Variants in CSMD1 observed in about 807,000 individuals in gnomAD.
CSMD1 encodes CUB and sushi domain-containing protein 1.
In CSMD1, 213 loss-of-function variants were observed where a neutral mutation model predicts 417.5. That is an observed-to-expected ratio of 0.51 (90% confidence interval 0.46 to 0.57). The LOEUF (loss-of-function observed/expected upper bound fraction) is 0.57. Among genes scored for constraint, CSMD1 ranks in the 20% least tolerant of loss-of-function variants. The pLI is 0.00. For synonymous variants in CSMD1, 2,862 were observed against 1,736.8 expected, an observed-to-expected ratio of 1.65 and a Z score of -16.11; for missense variants, 6,923 against 4,529.7, an observed-to-expected ratio of 1.53 and a Z score of -15.17.
intron 6 of CSMD1, among the ~76,000 whole-genome samples, chr8:3,741,720 A>G (rs1796813357): frequency 6.6e-6 from 1 of 152,056 alleles, no homozygotes; most frequent in South Asian, 2.1e-4. Flanking sequence ...CTGAGTGCGC[A>G]TTCTTACTGA....
intron 3 of CSMD1, among the ~76,000 whole-genome samples, chr8:4,297,199 T>C (rs1373413389): frequency 6.6e-6 from 1 of 152,142 alleles, no homozygotes; most frequent in African/African-American, 2.4e-5. Context: ...ATGTATTTTT[T>C]TAAATCCCTG....
At chr8:3,705,595 G>A (rs982894544) in intron 7 of CSMD1, among the ~76,000 whole-genome samples, 4 of 152,194 alleles carry the variant, frequency 2.6e-5, no homozygotes, top group East Asian at 3.9e-4. Context: ...AAAATACTAA[G>A]ATGGAAGCAA....
At chr8:3,338,913 C>G (rs1022372485) in intron 23 of CSMD1, among the ~76,000 whole-genome samples, 46 of 151,222 alleles carry the variant, frequency 3.0e-4, no homozygotes, top group African/African-American at 1.1e-3. Context: ...TATACATGTG[C>G]CATGCTGGTG....
intron 3 of CSMD1, among the ~76,000 whole-genome samples, chr8:4,229,972 C>T (rs1258513039): frequency 2.6e-5 from 4 of 152,072 alleles, no homozygotes; most frequent in African/African-American, 7.2e-5. Context: ...GTCCTAAAGC[C>T]GACATTATAA....
chr8:4,201,069 C>T (rs893375920), intron 3 of CSMD1, among the ~76,000 whole-genome samples: 3 of 152,128 alleles, frequency 2.0e-5, no homozygotes, highest in African/African-American at 7.2e-5. Flanking sequence ...TACTTTCTAC[C>T]TAGATAACCT....
intron 10 of CSMD1, among the ~76,000 whole-genome samples, chr8:3,566,124 G>GA (rs1325843395): frequency 6.6e-6 from 1 of 151,970 alleles, no homozygotes; most frequent in Non-Finnish European, 1.5e-5. Flanking sequence ...GAAGGAGAGG[G>GA]AAAAGATGGA....
intron 5 of CSMD1, chr8:3,949,999 A>C (rs1435464462): frequency 2.2e-6 from 1 of 455,850 alleles, no homozygotes; most frequent in East Asian, 7.0e-5. Flanking sequence ...ATTACCCACT[A>C]CATTTGCCAG....
At chr8:3,804,509 G>C (rs1203572229) in intron 5 of CSMD1, among the ~76,000 whole-genome samples, 6 of 152,148 alleles carry the variant, frequency 3.9e-5, no homozygotes, top group Admixed American at 3.9e-4. Flanking sequence ...AATTTTAATA[G>C]CTATAAAACA....
At chr8:4,037,967 A>C (rs534652521) in intron 3 of CSMD1, among the ~76,000 whole-genome samples, 1 of 152,188 alleles carries the variant, frequency 6.6e-6, no homozygotes, top group Non-Finnish European at 1.5e-5. Context: ...TTATTTTAGA[A>C]ACAATGAATC....
intron 11 of CSMD1, among the ~76,000 whole-genome samples, chr8:3,470,705 C>A (rs1431505202): frequency 6.6e-6 from 1 of 152,048 alleles, no homozygotes; most frequent in Non-Finnish European, 1.5e-5. Context: ...GTCCCTAACC[C>A]CTGGCAACCA....
chr8:3,680,289 G>C (rs938060510), intron 7 of CSMD1, among the ~76,000 whole-genome samples: 3 of 152,046 alleles, frequency 2.0e-5, no homozygotes, highest in Non-Finnish European at 2.9e-5. Context: ...TAGACCACTA[G>C]CAAGACTAAT....
At position 3,389,560 on chromosome 8, in the gene CSMD1, C is replaced by T. The variant is rs181785679; in HGVS notation, c.2594-1878G>A. On this transcript the variant is annotated intron_variant, in intron 17 of 69. Coordinates refer to ENST00000635120, the MANE Select transcript of CSMD1 (RefSeq NM_033225.6). Reference sequence around the variant, plus strand: ...TTCTTCAAAAAGGTTTCTGTGGTCACTAAACAACAGTGTATGCACTACGGC... The same window carrying T: ...TTCTTCAAAAAGGTTTCTGTGGTCATTAAACAACAGTGTATGCACTACGGC... Among the ~76,000 whole-genome samples, 51 of 152,184 alleles carry T rather than the reference C, an allele frequency of 3.4e-4. No individual in the cohort carries two copies. In the East Asian group the frequency reaches 9.7e-3, roughly 29 times the overall value.
rs1257185449 is a variant in CSMD1 at position 4,895,216 on chromosome 8, A to G, written c.85+99116T>C. 3.9e-5 allele frequency among the ~76,000 whole-genome samples: 6 copies of G among 152,296 alleles called. No homozygotes were observed. The South Asian group carries it at 1.2e-3, about 32-fold the overall frequency. On this transcript the variant is annotated intron_variant, in intron 1 of 69. Transcript: ENST00000635120. ...TAACAAAAAACTAAGCTAACCATGT[A>G]CAACTAAGACAACCTGAATCACGTT...
intron 36 of CSMD1, among the ~76,000 whole-genome samples, 153 bp downstream of exon 36, chr8:3,187,716 T>G (rs1314378129): frequency 6.6e-6 from 1 of 152,174 alleles, no homozygotes; most frequent in African/African-American, 2.4e-5. Flanking sequence ...TTGATGGTCT[T>G]ACTCTAAGAC....
intron 1 of CSMD1, among the ~76,000 whole-genome samples, chr8:4,835,144 G>C (rs1456712236): frequency 6.6e-6 from 1 of 151,922 alleles, no homozygotes; most frequent in Non-Finnish European, 1.5e-5. Flanking sequence ...TAGACCCAGT[G>C]AGCAAGATGG....
intron 3 of CSMD1, among the ~76,000 whole-genome samples, chr8:4,064,838 A>ATGTGATGTAAGTGTACTGTGTT (rs1473355327): frequency 1.2e-4 from 19 of 152,112 alleles, no homozygotes; most frequent in Non-Finnish European, 2.6e-4. Context: ...CATGTCAATA[A>ATGTGATGTAAGTGTACTGTGTT]TGTGATGTAA....
At chr8:3,265,548 C>G (rs1475685231) in intron 26 of CSMD1, among the ~76,000 whole-genome samples, 2 of 152,146 alleles carry the variant, frequency 1.3e-5, no homozygotes, top group Admixed American at 6.5e-5. Flanking sequence ...GAGTAGCACA[C>G]TCCTGTTACC....
rs78106724 is a variant in CSMD1 at position 4,272,458 on chromosome 8, C to T, written c.415+147495G>A. Among the ~76,000 whole-genome samples, 1,214 of 152,150 alleles carry T rather than the reference C, an allele frequency of 8.0e-3. 12 individuals are homozygous for T. The highest frequency in any genetic ancestry group is 0.027 in the African/African-American group (1,137 of 41,500). The stretch of plus-strand genomic sequence containing the variant: ...GGAAAAACTATCTAAAACCAGGATT[C>T]TATGAGTATATAGGCACAGATAACT... On this transcript the variant is annotated intron_variant, in intron 3 of 69. Transcript: ENST00000635120.
rs757657518 is a variant in CSMD1 at position 3,753,961 on chromosome 8, G to C, written c.900C>G (p.His300Gln). 4 of 1,612,926 alleles carry C rather than the reference G, an allele frequency of 2.5e-6. No individual in the cohort carries two copies. Among genetic ancestry groups the C allele is most frequent in the African/African-American group, 1.3e-5 (1 of 74,928 alleles). Reference sequence around the variant, plus strand: ...ACTGAGCGTTAAATCCTTTGCGTCGGTGGTTGCTGTCAGAGGTGAAATGGA... The same window carrying C: ...ACTGAGCGTTAAATCCTTTGCGTCGCTGGTTGCTGTCAGAGGTGAAATGGA... ...LRLHFTSDSNHRRKGFNAQFQ... is the reference protein window; with the variant it reads ...LRLHFTSDSNQRRKGFNAQFQ... Residue 300 changes from histidine to glutamine, a missense_variant, in exon 6 of 70, where the codon CAC (histidine) becomes CAG (glutamine). Transcript: ENST00000635120.
Sources: gnomAD v4.1 joint callset for allele counts (sites outside exome capture counted in the v4.1 genomes callset) on GRCh38, gnomAD v4.1.1 for gene constraint, MANE v1.5 for transcripts, NCBI Gene and HGNC (gene_info 2026-07-23, HGNC 2026-07-21) for gene names.